TRIP4: variants seen among roughly 807,000 people sequenced by gnomAD.
The protein encoded by TRIP4 is activating signal cointegrator 1.
Under a neutral mutation model 81.8 loss-of-function variants are expected in TRIP4, and 54 were observed. That is an observed-to-expected ratio of 0.66 (90% CI 0.53 to 0.83). The LOEUF is 0.83. Ranked by LOEUF, TRIP4 falls within the 40% of genes least tolerant of loss-of-function variation. The pLI is 0.00. For missense variants in TRIP4, 662 were observed against 683.6 expected, an observed-to-expected ratio of 0.97 and a Z score of 0.35; for synonymous variants, 270 against 242.8, an observed-to-expected ratio of 1.11 and a Z score of -1.04.
rs116456742 is a variant in TRIP4 at position 64,449,343 on chromosome 15, T to C, written c.1678+4235T>C. Reference sequence around the variant, plus strand: ...AACCTAGCCACCCTTTACAGATTAGTTCTATGATAAATATATTCGAAATTC... The same window carrying C: ...AACCTAGCCACCCTTTACAGATTAGCTCTATGATAAATATATTCGAAATTC... On this transcript the variant is annotated intron_variant, in intron 12 of 12. Coordinates refer to ENST00000261884, the MANE Select transcript of TRIP4 (RefSeq NM_016213.5). 2.4e-3 allele frequency among the ~76,000 whole-genome samples: 363 copies of C among 151,540 alleles called. 2 individuals carry two copies. The highest frequency in any genetic ancestry group is 8.5e-3 in the African/African-American group (350 of 41,418).
chr15:64,452,034 C>T (rs1421907018), intron 12 of TRIP4, among the ~76,000 whole-genome samples: 1 of 151,722 alleles, frequency 6.6e-6, no homozygotes, highest in Non-Finnish European at 1.5e-5. Context: ...GATCTTGGCT[C>T]ACTGCAACCT....
In TRIP4 at chr15:64,414,205, T is replaced by A. The variant is rs753162298; in HGVS notation, c.1164T>A (p.Pro388=). The part of the protein sequence containing the change: ...VLVNPNMYQS[P]PQWVDHTGAA... ...TAAATCCCAACATGTACCAGTCCCC[T>A]CCCCAGGTTAGTGGACCTTTGCTCT... Residue 388 remains proline, a synonymous_variant, in exon 8 of 13, where the codon CCT becomes CCA. Coordinates refer to ENST00000261884, the MANE Select transcript of TRIP4 (RefSeq NM_016213.5). The A allele has an allele frequency of 2.2e-5, 36 of 1,613,960 alleles. No homozygotes were observed. In the East Asian group the frequency reaches 8.0e-4, roughly 36 times the overall value.
intron 1 of TRIP4, among the ~76,000 whole-genome samples, chr15:64,388,367 C>T (rs1232250379): frequency 6.6e-6 from 1 of 152,096 alleles, no homozygotes; most frequent in Non-Finnish European, 1.5e-5. Context: ...CGTGCGGTGG[C>T]GCGATCTTGG....
chr15:64,418,590 C>T lies in TRIP4; in HGVS notation c.1220C>T (p.Ser407Leu), dbSNP rs765888515. The change falls in exon 9 of 13, where the codon TCA (serine) becomes TTA (leucine). Residue 407 changes from serine (S) to leucine (L), a missense_variant. By Grantham distance (145) the Ser-to-Leu change is moderately radical. Coordinates refer to ENST00000261884, the MANE Select transcript of TRIP4 (RefSeq NM_016213.5). ...AASQKKAFRSSGFGLEFNSFQ... is the reference protein window; with the variant it reads ...AASQKKAFRSLGFGLEFNSFQ... The stretch of plus-strand genomic sequence containing the variant: ...TCACAGAAGAAGGCTTTCCGTTCTT[C>T]AGGATTTGGACTAGAGTTCAACTCA... 28 of 1,613,388 alleles carry T rather than the reference C, an allele frequency of 1.7e-5. 1 individual carries two copies. The South Asian group carries it at 3.1e-4, about 18-fold the overall frequency.
intron 1 of TRIP4, among the ~76,000 whole-genome samples, chr15:64,390,121 T>G (rs1017545448): frequency 1.0e-4 from 15 of 147,112 alleles, no homozygotes; most frequent in Non-Finnish European, 2.2e-4. Context: ...AATATTATAT[T>G]AAATATATTA....
chr15:64,414,229 C>G lies in TRIP4; in HGVS notation c.1170+18C>G, dbSNP rs138765760. 0.023 allele frequency: 37,153 copies of G among 1,612,372 alleles called. 609 individuals carry two copies. The highest frequency in any genetic ancestry group is 0.057 in the South Asian group (5,211 of 90,810). On this transcript the variant is annotated intron_variant, in intron 8 of 12. Coordinates refer to ENST00000261884, the MANE Select transcript of TRIP4 (RefSeq NM_016213.5). Reference sequence around the variant, plus strand: ...CTCCCCAGGTTAGTGGACCTTTGCTCTAACTGTTAATAAGAAGTTTGGCCC... The same window carrying G: ...CTCCCCAGGTTAGTGGACCTTTGCTGTAACTGTTAATAAGAAGTTTGGCCC...
intron 8 of TRIP4, among the ~76,000 whole-genome samples, chr15:64,414,989 G>A (rs947326457): frequency 9.9e-5 from 15 of 151,928 alleles, no homozygotes; most frequent in African/African-American, 3.6e-4. Context: ...CAGCTACTTA[G>A]GAGGCTGAGT....
At chr15:64,394,596 C>G (rs1489765798) in intron 2 of TRIP4, among the ~76,000 whole-genome samples, 1 of 138,768 alleles carries the variant, frequency 7.2e-6, no homozygotes, top group Non-Finnish European at 1.5e-5. Flanking sequence ...CAGAGCGAGA[C>G]TCCATCTCAA....
chr15:64,440,099 T>C (rs974513485), intron 11 of TRIP4, among the ~76,000 whole-genome samples: 7 of 151,954 alleles, frequency 4.6e-5, no homozygotes, highest in Non-Finnish European at 1.0e-4. Flanking sequence ...AAAATAAAAT[T>C]AGACAGGTCT....
chr15:64,406,467 AG>A lies in TRIP4; in HGVS notation c.827+11del, dbSNP rs1165276934. On this transcript the variant is annotated intron_variant, in intron 6 of 12. Transcript: ENST00000261884. ...AGAGTTTGACAGAACTAGGTATGAAAGGGTTAGAATAACAAATGCTAAGAAA... is the reference window on the plus strand; with the variant it reads ...AGAGTTTGACAGAACTAGGTATGAAAGGTTAGAATAACAAATGCTAAGAAA... The A allele has an allele frequency of 1.9e-6, 3 of 1,612,728 alleles. No individual in the cohort carries two copies. The highest frequency in any genetic ancestry group is 1.3e-5 in the African/African-American group (1 of 74,902).
chr15:64,405,434 G>A (rs1184814484), intron 5 of TRIP4, among the ~76,000 whole-genome samples: 5 of 152,154 alleles, frequency 3.3e-5, no homozygotes, highest in African/African-American at 4.8e-5. Flanking sequence ...GATTACAGGC[G>A]TGAGCCACTG....
chr15:64,406,123 C>G (rs1440794656), intron 5 of TRIP4, among the ~76,000 whole-genome samples: 1 of 152,194 alleles, frequency 6.6e-6, no homozygotes, highest in Non-Finnish European at 1.5e-5. Flanking sequence ...AAGATCCCTG[C>G]CATTTATTGA....
chr15:64,404,420 A>C (rs886375647), intron 5 of TRIP4, among the ~76,000 whole-genome samples: 6 of 152,000 alleles, frequency 3.9e-5, no homozygotes, highest in African/African-American at 1.4e-4. Flanking sequence ...TCTCAGGTTC[A>C]AGCAATTCTC....
intron 3 of TRIP4, among the ~76,000 whole-genome samples, chr15:64,396,200 C>T (rs553199438): frequency 3.3e-5 from 5 of 150,972 alleles, no homozygotes; most frequent in East Asian, 2.0e-4. Flanking sequence ...TGAGCCACCG[C>T]GCCCAGCCCT....
At chr15:64,425,397 A>G in intron 10 of TRIP4, 143 bp from the exon 11 acceptor site, 1 of 741,562 alleles carries the variant, frequency 1.3e-6, no homozygotes, top group Non-Finnish European at 2.2e-6. Context: ...AGTTGTGCCA[A>G]GTAAATTTCA....
chr15:64,408,855 T>G (rs1240262380), intron 6 of TRIP4, among the ~76,000 whole-genome samples: 1 of 152,100 alleles, frequency 6.6e-6, no homozygotes, highest in Non-Finnish European at 1.5e-5. Context: ...CCCAGTGCAT[T>G]AGTGAGAGCC....
chr15:64,454,907 A>G, intron 12 of TRIP4, 90 bp from the exon 13 acceptor site: 2 of 1,150,342 alleles, frequency 1.7e-6, no homozygotes, highest in African/African-American at 3.1e-5. Flanking sequence ...ATGTGACAGG[A>G]ACACAGTAAC....
At chr15:64,401,364 T>C (rs1311802800) in intron 5 of TRIP4, among the ~76,000 whole-genome samples, 2 of 152,158 alleles carry the variant, frequency 1.3e-5, no homozygotes, top group African/African-American at 2.4e-5. Context: ...CTTGATCTCC[T>C]GACCTCATGA....
At position 64,414,512 on chromosome 15, in the gene TRIP4, C is replaced by CTTTTTTTTTTTTTTTTTTTTTTTTTTTTT. The variant is rs869202504; in HGVS notation, c.1170+323_1170+324insTTTTTTTTTTTTTTTTTTTTTTTTTTTTT. The stretch of plus-strand genomic sequence containing the variant: ...TGGTTCTTTTGTTAATGCTCTTTCT[C>CTTTTTTTTTTTTTTTTTTTTTTTTTTTTT]TTTTTTTTTTTTTTTTTTTTTTGAG... On this transcript the variant is annotated intron_variant, in intron 8 of 12. Coordinates refer to ENST00000261884, the MANE Select transcript of TRIP4 (RefSeq NM_016213.5). Among the ~76,000 whole-genome samples the CTTTTTTTTTTTTTTTTTTTTTTTTTTTTT allele has an allele frequency of 2.3e-5, 2 of 87,024 alleles. 1 individual carries two copies. Among genetic ancestry groups the CTTTTTTTTTTTTTTTTTTTTTTTTTTTTT allele is most frequent in the African/African-American group, 8.7e-5 (2 of 22,990 alleles). The allele number at this position is 87,024 out of a possible 152,430, so 57.1% of individuals were successfully genotyped here. A position where few individuals can be genotyped will look rare whatever the true frequency, so the allele number is the denominator to read the frequency against.
Sources: gnomAD v4.1 joint callset for allele counts (sites outside exome capture counted in the v4.1 genomes callset) on GRCh38, gnomAD v4.1.1 for gene constraint, MANE v1.5 for transcripts, NCBI Gene and HGNC (gene_info 2026-07-23, HGNC 2026-07-21) for gene names.